CCDC30: variants seen among roughly 807,000 people sequenced by gnomAD.
CCDC30 encodes the protein coiled-coil domain containing 30.
Under a neutral mutation model 100.2 loss-of-function variants are expected in CCDC30, and 70 were observed. That is an observed-to-expected ratio of 0.70 (90% CI 0.58 to 0.85). The LOEUF (loss-of-function observed/expected upper bound fraction) is 0.85. CCDC30 is among the 40% of genes least tolerant of loss of function. The pLI is 0.00. For synonymous variants in CCDC30, 233 were observed against 269.5 expected (o/e 0.86, Z 1.33); for missense variants, 652 against 771.2 (o/e 0.85, Z 1.83).
At chr1:42,598,351 C>T (rs1272359277) in intron 10 of CCDC30, among the ~76,000 whole-genome samples, 6 of 148,316 alleles carry the variant, frequency 4.0e-5, no homozygotes, top group Non-Finnish European at 8.9e-5. Context: ...AACCTTATCT[C>T]TACAAAAAAT....
chr1:42,635,799 C>T (rs1361046154), intron 11 of CCDC30, among the ~76,000 whole-genome samples: 1 of 141,552 alleles, frequency 7.1e-6, no homozygotes, highest in East Asian at 2.1e-4. Context: ...CAGAGTGAGA[C>T]TCCATCTCAA....
At chr1:42,631,688 C>T (rs1441745616) in intron 11 of CCDC30, among the ~76,000 whole-genome samples, 3 of 152,122 alleles carry the variant, frequency 2.0e-5, no homozygotes, top group Non-Finnish European at 4.4e-5. Context: ...TACTCAAACC[C>T]GAAAATGCAG....
chr1:42,543,979 A>G (rs1485930948), intron 6 of CCDC30, among the ~76,000 whole-genome samples: 1 of 152,244 alleles, frequency 6.6e-6, no homozygotes, highest in Non-Finnish European at 1.5e-5. Flanking sequence ...GATATGAATC[A>G]GGCAGGCTAT....
At chr1:42,653,279 A>T in intron 15 of CCDC30, 97 bp from the exon 20 acceptor site, 1 of 578,510 alleles carries the variant, frequency 1.7e-6, no homozygotes, top group Non-Finnish European at 3.0e-6. Context: ...TACTATGTGC[A>T]GGTATTGTAT....
intron 6 of CCDC30, among the ~76,000 whole-genome samples, chr1:42,506,617 T>C (rs1644398902): frequency 6.6e-6 from 1 of 152,210 alleles, no homozygotes. Context: ...GGACATCATT[T>C]TAGCAATTCC....
At chr1:42,566,576 A>T in intron 7 of CCDC30, 101 bp downstream of exon 11, 10 of 953,314 alleles carry the variant, frequency 1.0e-5, no homozygotes, top group Non-Finnish European at 1.6e-5. Flanking sequence ...AGGATCCACA[A>T]ATATGTGGAC....
At position 42,637,100 on chromosome 1, in the gene CCDC30, G is replaced by A. The variant is rs573534238; in HGVS notation, c.1278-137G>A. ...GAAATGGAGGGCAAGAAGATGTGAG[G>A]CAGGATAAGTATCCACATCCGGTGC... On this transcript the variant is annotated intron_variant, in intron 11 of 16. Coordinates refer to ENST00000668663, the Ensembl canonical transcript of CCDC30. 2.5e-5 allele frequency: 16 copies of A among 645,308 alleles called. No homozygotes were observed. The East Asian group carries it at 3.6e-4, about 14-fold the overall frequency. The allele number at this position is 645,308 out of a possible 1,614,324, so 40.0% of individuals were successfully genotyped here.
chr1:42,490,237 A>G lies in CCDC30; in HGVS notation c.241+8A>G, dbSNP rs1644116055. ...TAAAGCTGAAAGAAAATGGTAAGTC[A>G]TTCTAGAAGATATGATGATTATTAT... On this transcript the variant is annotated splice_region_variant and intron_variant, in intron 4 of 16. Coordinates refer to ENST00000668663, the Ensembl canonical transcript of CCDC30. 5.3e-6 allele frequency: 6 copies of G among 1,139,896 alleles called. No individual in the cohort carries two copies. The highest frequency in any genetic ancestry group is 6.6e-6 in the Non-Finnish European group (6 of 902,644). 70.6% of individuals were successfully genotyped at this position (1,139,896 alleles called of 1,614,324 possible). A position where few individuals can be genotyped will look rare whatever the true frequency, so the allele number is the denominator to read the frequency against.
chr1:42,616,275 A>T (rs1646725700), intron 11 of CCDC30, among the ~76,000 whole-genome samples: 1 of 152,192 alleles, frequency 6.6e-6, no homozygotes, highest in Admixed American at 6.5e-5. Flanking sequence ...ATTTGTACAC[A>T]GCCTTTTAGG....
chr1:42,648,130 G>T (rs1250087947), intron 15 of CCDC30, among the ~76,000 whole-genome samples: 2 of 151,780 alleles, frequency 1.3e-5, no homozygotes, highest in African/African-American at 2.4e-5. Context: ...AGTAGAGACG[G>T]GGTTTCTCCA....
chr1:42,553,958 C>A (rs1435244937), intron 6 of CCDC30, among the ~76,000 whole-genome samples: 3 of 152,100 alleles, frequency 2.0e-5, no homozygotes, highest in African/African-American at 7.2e-5. Flanking sequence ...CAATTTTTCT[C>A]CCTGTTCCTT....
Position 42,595,430 on chromosome 1 carries a change from C to T in CCDC30, c.1164+5947C>T, listed in dbSNP as rs193136482. On this transcript the variant is annotated intron_variant, in intron 10 of 16. Coordinates refer to ENST00000668663, the Ensembl canonical transcript of CCDC30. ...GGTGTGGTGGCACATGCCTGTAATTCCAGCTACTTGGGAGGCTGAGGCAGG... is the reference window on the plus strand; with the variant it reads ...GGTGTGGTGGCACATGCCTGTAATTTCAGCTACTTGGGAGGCTGAGGCAGG... The T allele has an allele frequency of 6.8e-3, 1,031 of 152,302 alleles. 10 individuals carry two copies. Among genetic ancestry groups the T allele is most frequent in the Non-Finnish European group, 9.2e-3 (629 of 68,100 alleles). 9.4% of individuals were successfully genotyped at this position (152,302 alleles called of 1,614,324 possible). A position where few individuals can be genotyped will look rare whatever the true frequency, so the allele number is the denominator to read the frequency against.
intron 10 of CCDC30, among the ~76,000 whole-genome samples, chr1:42,600,217 A>T (rs1017127208): frequency 2.0e-5 from 3 of 152,192 alleles, no homozygotes; most frequent in African/African-American, 7.2e-5. Context: ...TTATTTAATG[A>T]TTAAAAAGGT....
At chr1:42,528,022 C>T (rs143559044) in intron 6 of CCDC30, among the ~76,000 whole-genome samples, 8 of 152,046 alleles carry the variant, frequency 5.3e-5, no homozygotes, top group Non-Finnish European at 1.2e-4. Flanking sequence ...CCCACCACCA[C>T]GTCCAGCTAA....
intron 6 of CCDC30, among the ~76,000 whole-genome samples, 182 bp downstream of exon 8, chr1:42,539,492 T>C (rs1404048397): frequency 6.6e-6 from 1 of 152,222 alleles, no homozygotes; most frequent in African/African-American, 2.4e-5. Context: ...TATGTCAAGA[T>C]AAATATTCAG....
At position 42,469,518 on chromosome 1, in the gene CCDC30, T is replaced by A. The variant is rs145891534; in HGVS notation, c.-92+5620T>A. Among the ~76,000 whole-genome samples, 38 of 152,230 alleles carry A rather than the reference T, an allele frequency of 2.5e-4. No individual in the cohort carries two copies. The East Asian group carries it at 6.6e-3, about 26-fold the overall frequency. ...GGTATATGGTGGGGCTAAAGGAAGGTTATTTCTTGTATCTTTAAGACCAGA... is the reference window on the plus strand; with the variant it reads ...GGTATATGGTGGGGCTAAAGGAAGGATATTTCTTGTATCTTTAAGACCAGA... On this transcript the variant is annotated intron_variant, in intron 1 of 16. Coordinates refer to ENST00000668663, the Ensembl canonical transcript of CCDC30.
chr1:42,527,315 T>A (rs1216726387), intron 6 of CCDC30, among the ~76,000 whole-genome samples: 3 of 152,204 alleles, frequency 2.0e-5, no homozygotes, highest in Non-Finnish European at 4.4e-5. Context: ...AAAGATGTGA[T>A]CAAGCAACTT....
At position 42,511,968 on chromosome 1, in the gene CCDC30, G is replaced by T. The variant is rs572937817; in HGVS notation, c.456+13052G>T. On this transcript the variant is annotated intron_variant, in intron 6 of 16. Coordinates refer to ENST00000668663, the Ensembl canonical transcript of CCDC30. ...TTCAGAGCTGACAGCCTTGAACAGA[G>T]ATTTACCCACATATTTATTGACAGT... 9.0e-4 allele frequency among the ~76,000 whole-genome samples: 137 copies of T among 152,270 alleles called. 1 individual carries two copies. The highest frequency in any genetic ancestry group is 7.5e-4 in the Non-Finnish European group (51 of 68,020).
the CCDC30 span, among the ~76,000 whole-genome samples, chr1:42,457,982 A>G: frequency 0.033 from 4,962 of 151,534 alleles, 304 homozygotes; most frequent in African/African-American, 0.11. Flanking sequence ...ACCAAAAATC[A>G]AAACAAAATG....
Sources: allele counts gnomAD v4.1 joint callset (sites outside exome capture counted in the v4.1 genomes callset), GRCh38; gene constraint gnomAD v4.1.1; transcripts MANE v1.5; gene names NCBI Gene and HGNC (gene_info 2026-07-23, HGNC 2026-07-21).